The following FRMD3 variants were observed in gnomAD, a reference collection of about 807,000 sequenced individuals.
FRMD3 encodes the protein FERM domain-containing protein 3.
Under a neutral mutation model 70.2 loss-of-function variants are expected in FRMD3, and 33 were observed. That is an observed-to-expected ratio of 0.47 (90% confidence interval 0.36 to 0.63). FRMD3 has a LOEUF of 0.63. FRMD3 is among the 20% of genes least tolerant of loss of function. The pLI is 0.00. For missense variants in FRMD3, 632 were observed against 711.4 expected (o/e 0.89, Z 1.27); for synonymous variants, 279 against 255.9 (o/e 1.09, Z -0.86).
intron 1 of FRMD3, among the ~76,000 whole-genome samples, chr9:83,448,947 C>A (rs1166189527): frequency 6.6e-6 from 1 of 152,160 alleles, no homozygotes; most frequent in Non-Finnish European, 1.5e-5. Flanking sequence ...TTGCTCAGCT[C>A]TCTGTGATGT....
rs184907546 is a variant in FRMD3, at chr9:83,275,072, G to A, written c.1195+15531C>T. ...GGAGAAAAAAGAAGTCATGAGTGGA[G>A]TTGTAAACATATTAAGCTTGATGCG... is the stretch of plus-strand genomic sequence containing the variant. On this transcript the variant is annotated intron_variant, in intron 13 of 13. Coordinates refer to ENST00000304195, the MANE Select transcript of FRMD3 (RefSeq NM_174938.6). Among the ~76,000 whole-genome samples, 4 of 152,312 alleles carry A rather than the reference G, an allele frequency of 2.6e-5. No homozygotes were observed. The East Asian group carries it at 7.7e-4, about 29-fold the overall frequency.
intron 5 of FRMD3, among the ~76,000 whole-genome samples, chr9:83,341,200 T>A (rs1240021885): frequency 2.6e-5 from 4 of 152,338 alleles, no homozygotes; most frequent in Non-Finnish European, 5.9e-5. Flanking sequence ...GAATTTGCTA[T>A]AAATGACCAC....
At chr9:83,320,001 A>G (rs1332142420) in intron 6 of FRMD3, among the ~76,000 whole-genome samples, 2 of 152,340 alleles carry the variant, frequency 1.3e-5, no homozygotes, top group East Asian at 3.9e-4. Flanking sequence ...TTCTGCATAT[A>G]TATCTTGTAT....
intron 1 of FRMD3, among the ~76,000 whole-genome samples, chr9:83,497,273 T>G (rs1455513094): frequency 6.6e-6 from 1 of 152,178 alleles, no homozygotes; most frequent in Non-Finnish European, 1.5e-5. Flanking sequence ...TTACCATAAC[T>G]TTTTTATTTA....
intron 1 of FRMD3, among the ~76,000 whole-genome samples, chr9:83,484,647 G>A (rs1564099242): frequency 6.6e-6 from 1 of 152,114 alleles, no homozygotes; most frequent in Non-Finnish European, 1.5e-5. Flanking sequence ...CGAGCTCCCG[G>A]CCTCAAGTGA....
At chr9:83,259,749 T>C (rs1563978957) in intron 13 of FRMD3, among the ~76,000 whole-genome samples, 3 of 152,158 alleles carry the variant, frequency 2.0e-5, no homozygotes, top group Non-Finnish European at 4.4e-5. Context: ...CAGGTCTCTA[T>C]AGATGTCTCA....
chr9:83,290,766 C>A (rs1021870617), intron 12 of FRMD3, 39 bp from the exon 13 acceptor site: 3 of 1,566,340 alleles, frequency 1.9e-6, no homozygotes, highest in South Asian at 1.2e-5. Flanking sequence ...TGGTTTCCAT[C>A]ACAAATGCTG....
At chr9:83,249,367 T>C (rs1360616134) in intron 13 of FRMD3, among the ~76,000 whole-genome samples, 3 of 152,214 alleles carry the variant, frequency 2.0e-5, no homozygotes, top group South Asian at 2.1e-4. Context: ...GAGTTACCTA[T>C]GGTCAGACCT....
In FRMD3 at chr9:83,527,850, C is replaced by T. The variant is rs545996517; in HGVS notation, c.147+10235G>A. 9.2e-5 allele frequency among the ~76,000 whole-genome samples: 14 copies of T among 152,252 alleles called. No homozygotes were observed. In the South Asian group the frequency reaches 1.7e-3, roughly 18 times the overall value. On this transcript the variant is annotated intron_variant, in intron 1 of 13. Coordinates refer to ENST00000304195, the MANE Select transcript of FRMD3 (RefSeq NM_174938.6). Reference sequence around the variant, plus strand: ...TATTATTTTTCCTGCCTCTGGACTCCGCATCTGGCTCTCTGCTACTTCATG... The same window carrying T: ...TATTATTTTTCCTGCCTCTGGACTCTGCATCTGGCTCTCTGCTACTTCATG...
chr9:83,377,772 G>T (rs999185286), intron 2 of FRMD3, among the ~76,000 whole-genome samples: 1 of 152,018 alleles, frequency 6.6e-6, no homozygotes, highest in Non-Finnish European at 1.5e-5. Context: ...AACTAAACCT[G>T]TTTTCTTATA....
At chr9:83,571,588 T>C in the FRMD3 span, among the ~76,000 whole-genome samples, 10 of 152,330 alleles carry the variant, frequency 6.6e-5, no homozygotes, top group East Asian at 1.3e-3. Context: ...AAGTAGACGG[T>C]TGGGTACACA....
At chr9:83,429,694 G>A (rs1015853648) in intron 1 of FRMD3, among the ~76,000 whole-genome samples, 1 of 152,178 alleles carries the variant, frequency 6.6e-6, no homozygotes, top group African/African-American at 2.4e-5. Flanking sequence ...GCCAGGTGCT[G>A]AGTGGGAGAT....
chr9:83,369,320 A>T (rs1351596163), intron 3 of FRMD3, among the ~76,000 whole-genome samples: 2 of 152,200 alleles, frequency 1.3e-5, no homozygotes, highest in African/African-American at 4.8e-5. Context: ...TCACACCTGT[A>T]ATCCCAGTTC....
chr9:83,303,363 G>A (rs1834997678), intron 10 of FRMD3, among the ~76,000 whole-genome samples: 1 of 152,210 alleles, frequency 6.6e-6, no homozygotes, highest in Non-Finnish European at 1.5e-5. Flanking sequence ...GATAGAAGCT[G>A]CAGGAACCAG....
chr9:83,390,383 G>C, intron 1 of FRMD3, among the ~76,000 whole-genome samples: 1 of 152,184 alleles, frequency 6.6e-6, no homozygotes, highest in East Asian at 1.9e-4. Context: ...TAAATTCCCT[G>C]GCTCTCAGCG....
chr9:83,273,931 C>T (rs1833706414), intron 13 of FRMD3, among the ~76,000 whole-genome samples: 1 of 152,124 alleles, frequency 6.6e-6, no homozygotes, highest in African/African-American at 2.4e-5. Context: ...GATCCTCCTG[C>T]CTCAGCCTGC....
intron 1 of FRMD3, among the ~76,000 whole-genome samples, chr9:83,523,689 A>G (rs1317143233): frequency 6.6e-6 from 1 of 152,216 alleles, no homozygotes; most frequent in African/African-American, 2.4e-5. Flanking sequence ...CTAACTTACT[A>G]TTCTCAAATT....
intron 6 of FRMD3, among the ~76,000 whole-genome samples, chr9:83,319,040 AT>A (rs1564013029): frequency 1.3e-5 from 2 of 151,914 alleles, no homozygotes; most frequent in Non-Finnish European, 2.9e-5. Flanking sequence ...TAAATTCCAG[AT>A]ATTAGCCCTT....
At chr9:83,563,954 G>T in the FRMD3 span, among the ~76,000 whole-genome samples, 1 of 152,158 alleles carries the variant, frequency 6.6e-6, no homozygotes, top group African/African-American at 2.4e-5. Context: ...TCTCCTGGCA[G>T]TATTCTTACC....
Sources: gnomAD v4.1 joint callset for allele counts (sites outside exome capture counted in the v4.1 genomes callset) on GRCh38, gnomAD v4.1.1 for gene constraint, MANE v1.5 for transcripts, NCBI Gene and HGNC (gene_info 2026-07-23, HGNC 2026-07-21) for gene names.